STK4: variants seen among roughly 807,000 people sequenced by gnomAD.
STK4 encodes the protein serine/threonine-protein kinase 4.
A neutral mutation model predicts 64.9 loss-of-function variants in STK4; 30 were observed. The ratio of observed to expected loss-of-function variants is 0.46; its 90% CI spans 0.35 to 0.63. The LOEUF (loss-of-function observed/expected upper bound fraction) is 0.63. STK4 is among the 20% of genes least tolerant of loss of function. The pLI is 0.01. For missense variants in STK4, 466 were observed against 598.5 expected, an observed-to-expected ratio of 0.78 and a Z score of 2.31; for synonymous variants, 177 against 199.0, an observed-to-expected ratio of 0.89 and a Z score of 0.93.
chr20:44,975,302 C>T, intron 2 of STK4: 1 of 956,370 alleles, frequency 1.0e-6, no homozygotes, highest in Non-Finnish European at 1.2e-6. Context: ...ATCTTCTAAC[C>T]ACCCCCTATC....
intron 10 of STK4, among the ~76,000 whole-genome samples, chr20:45,062,837 C>T (rs946596030): frequency 6.8e-6 from 1 of 146,002 alleles, no homozygotes; most frequent in Non-Finnish European, 1.5e-5. Flanking sequence ...ACCACCACGC[C>T]CGGCTATTTT....
At chr20:45,041,112 G>C (rs1391853271) in intron 10 of STK4, among the ~76,000 whole-genome samples, 1 of 152,124 alleles carries the variant, frequency 6.6e-6, no homozygotes, top group African/African-American at 2.4e-5. Flanking sequence ...AACTTAATTG[G>C]CCAATAGGTT....
At chr20:44,986,857 A>G (rs2067538354) in intron 4 of STK4, among the ~76,000 whole-genome samples, 1 of 152,110 alleles carries the variant, frequency 6.6e-6, no homozygotes. Context: ...GAGAGGGGTA[A>G]GGTGATAGAC....
chr20:45,002,258 T>C (rs888806897), intron 9 of STK4, among the ~76,000 whole-genome samples: 3 of 152,236 alleles, frequency 2.0e-5, no homozygotes, highest in African/African-American at 4.8e-5. Context: ...GTGTTGTACA[T>C]GCACGTGTTA....
At chr20:45,042,922 G>T (rs2068636707) in intron 10 of STK4, among the ~76,000 whole-genome samples, 1 of 149,894 alleles carries the variant, frequency 6.7e-6, no homozygotes, top group Non-Finnish European at 1.5e-5. Context: ...GTGCCATGTT[G>T]GTTTATGGCA....
At chr20:45,048,523 T>G (rs1448886757) in intron 10 of STK4, among the ~76,000 whole-genome samples, 1 of 152,074 alleles carries the variant, frequency 6.6e-6, no homozygotes. Flanking sequence ...TTTTTTTTTT[T>G]GAGACGGAGT....
At chr20:44,972,726 A>T (rs1283262029) in intron 2 of STK4, 6 of 152,180 alleles carry the variant, frequency 3.9e-5, no homozygotes, top group Admixed American at 3.3e-4. Flanking sequence ...TTAAGTTTAC[A>T]TAATTTTTAT....
intron 2 of STK4, among the ~76,000 whole-genome samples, chr20:44,977,622 G>T (rs944253616): frequency 1.3e-5 from 2 of 152,100 alleles, no homozygotes; most frequent in Non-Finnish European, 2.9e-5. Context: ...GGTTAATAAG[G>T]TGTAAATGAT....
In STK4 at chr20:45,075,434, A is replaced by C; in HGVS notation, c.*258A>C. The C allele has an allele frequency of 2.9e-6, 1 of 341,320 alleles. No homozygotes were observed. The highest frequency in any genetic ancestry group is 6.3e-5 in the South Asian group (1 of 15,886). The allele number at this position is 341,320 out of a possible 1,614,324, so 21.1% of individuals were successfully genotyped here. On this transcript the variant is annotated 3_prime_UTR_variant, in exon 11 of 11. Transcript: ENST00000372806. The stretch of plus-strand genomic sequence containing the variant: ...TAACTCAGAGTTTTAAACCCCAGGA[A>C]CAGAGACTCCTAGTTGAGTGATAGC...
At chr20:44,987,373 A>G (rs985841411) in intron 5 of STK4, 77 bp downstream of exon 5, 1 of 1,359,254 alleles carries the variant, frequency 7.4e-7, no homozygotes, top group Non-Finnish European at 1.0e-6. Flanking sequence ...ACCTATTTTT[A>G]AAATATAATA....
chr20:45,020,462 G>GTA (rs1464004817), intron 9 of STK4, among the ~76,000 whole-genome samples: 8 of 137,154 alleles, frequency 5.8e-5, no homozygotes, highest in Non-Finnish European at 8.0e-5. Flanking sequence ...GTGTGTGTGT[G>GTA]TGTGTATGTT....
rs551330187 is a variant in STK4 at position 45,029,469 on chromosome 20, A to G, written c.1305+4339A>G. On this transcript the variant is annotated intron_variant, in intron 10 of 10. Coordinates refer to ENST00000372806, the MANE Select transcript of STK4 (RefSeq NM_006282.5). ...GTCTCTTACAGAAAAATTTCAAACT[A>G]AGCAATAAAATTGAGATGAGAGATA... Among the ~76,000 whole-genome samples the G allele has an allele frequency of 1.0e-3, 157 of 152,376 alleles. 1 individual carries two copies. Among genetic ancestry groups the G allele is most frequent in the Non-Finnish European group, 1.9e-3 (126 of 68,034 alleles).
At chr20:45,007,797 G>T in intron 9 of STK4, 1 of 420,602 alleles carries the variant, frequency 2.4e-6, no homozygotes, top group Non-Finnish European at 4.7e-6. Flanking sequence ...ACATACAGGG[G>T]GTACATGTGC....
At chr20:44,991,953 T>G (rs1206339991) in intron 5 of STK4, among the ~76,000 whole-genome samples, 1 of 152,180 alleles carries the variant, frequency 6.6e-6, no homozygotes, top group East Asian at 1.9e-4. Context: ...TTTGAGCCAT[T>G]GTGCCTGGCT....
At chr20:44,977,822 TTTAA>T (rs2067365878) in intron 2 of STK4, among the ~76,000 whole-genome samples, 1 of 152,186 alleles carries the variant, frequency 6.6e-6, no homozygotes, top group African/African-American at 2.4e-5. Flanking sequence ...AGGCTTAGAT[TTTAA>T]TTAGTTTCCA....
chr20:44,989,636 G>T (rs968366059), intron 5 of STK4, among the ~76,000 whole-genome samples: 1 of 152,028 alleles, frequency 6.6e-6, no homozygotes, highest in Non-Finnish European at 1.5e-5. Flanking sequence ...TGTGCTTCTG[G>T]TGTCACATCT....
At chr20:45,031,722 T>C (rs1343312016) in intron 10 of STK4, among the ~76,000 whole-genome samples, 1 of 151,824 alleles carries the variant, frequency 6.6e-6, no homozygotes, top group Non-Finnish European at 1.5e-5. Flanking sequence ...GCCAACATGG[T>C]GAAACCCCAT....
At chr20:45,054,493 T>C (rs1219399183) in intron 10 of STK4, among the ~76,000 whole-genome samples, 3 of 151,606 alleles carry the variant, frequency 2.0e-5, no homozygotes, top group Non-Finnish European at 2.9e-5. Context: ...AACCCGGAGT[T>C]TGAGGCTGCA....
At chr20:45,064,878 A>G (rs1294302847) in intron 10 of STK4, among the ~76,000 whole-genome samples, 1 of 152,220 alleles carries the variant, frequency 6.6e-6, no homozygotes, top group Non-Finnish European at 1.5e-5. Context: ...TTCTATGTAT[A>G]GAATTATATT....
Sources: allele counts gnomAD v4.1 joint callset (sites outside exome capture counted in the v4.1 genomes callset), GRCh38; gene constraint gnomAD v4.1.1; transcripts MANE v1.5; gene names NCBI Gene and HGNC (gene_info 2026-07-23, HGNC 2026-07-21).